The following ING5 variants were observed in gnomAD, a reference collection of about 807,000 sequenced individuals.
ING5 encodes the protein inhibitor of growth protein 5.
A neutral mutation model predicts 37.4 loss-of-function variants in ING5; 17 were observed. That is an observed-to-expected ratio of 0.45 (90% CI 0.31 to 0.68). The LOEUF is 0.68. Ranked by LOEUF, ING5 falls within the 30% of genes least tolerant of loss-of-function variation. The pLI, the probability that ING5 is intolerant of heterozygous loss-of-function variation, is 0.05. For missense variants in ING5, 233 were observed against 311.9 expected, an observed-to-expected ratio of 0.75 and a Z score of 1.91; for synonymous variants, 123 against 116.6, an observed-to-expected ratio of 1.06 and a Z score of -0.36.
At chr2:241,721,639 C>A in intron 5 of ING5, 2 of 985,484 alleles carry the variant, frequency 2.0e-6, no homozygotes, top group South Asian at 9.4e-5. Context: ...CACGTTCCTC[C>A]TGCTAACCTG....
chr2:241,702,025 C>G (rs2069741512), upstream of ING5: 4 of 1,343,038 alleles, frequency 3.0e-6, no homozygotes, highest in Non-Finnish European at 3.8e-6. Context: ...TCCCGCGGCA[C>G]CGCCCGCCCG....
chr2:241,692,407 C>T (rs1009111957), intron 2 of ING5, among the ~76,000 whole-genome samples: 3 of 151,590 alleles, frequency 2.0e-5, no homozygotes, highest in Admixed American at 6.6e-5. Flanking sequence ...GTTCTGGTCT[C>T]GAGTGATCCT....
chr2:241,711,377 G>T lies in ING5; in HGVS notation c.277G>T (p.Val93Leu). 1.3e-6 allele frequency: 2 copies of T among 1,501,330 alleles called. No individual in the cohort carries two copies. The highest frequency in any genetic ancestry group is 2.5e-5 in the East Asian group (1 of 39,964). The allele number at this position is 1,501,330 out of a possible 1,614,324, so 93.0% of individuals were successfully genotyped here. ...TAAGACTTTGGGTATCCTTTTGTAG[G>T]TGGATAAACACATTCGAAGGCTTGA... is the stretch of plus-strand genomic sequence containing the variant. ...VQLAMQTYEMVDKHIRRLDAD... is the reference protein window; with the variant it reads ...VQLAMQTYEMLDKHIRRLDAD... The change falls in exon 4 of 8, where the codon GTG (valine) becomes TTG (leucine). Residue 93 changes from valine to leucine, a missense_variant and splice_region_variant. By Grantham distance (32) the Val-to-Leu change is conservative. Coordinates refer to ENST00000313552, the MANE Select transcript of ING5 (RefSeq NM_032329.6).
intron 5 of ING5, among the ~76,000 whole-genome samples, chr2:241,716,281 C>CTTTTTTT (rs11332132): frequency 1.4e-5 from 1 of 73,660 alleles, no homozygotes; most frequent in Non-Finnish European, 2.4e-5. Flanking sequence ...ATTAGCCATG[C>CTTTTTTT]TTTTTTTTTT....
chr2:241,698,347 A>C (rs2069660658), upstream of ING5, among the ~76,000 whole-genome samples: 1 of 151,834 alleles, frequency 6.6e-6, no homozygotes, highest in Non-Finnish European at 1.5e-5. Flanking sequence ...CAGGAGGCTG[A>C]GGCGGGAGAA....
At chr2:241,723,176 C>T (rs372733288) in intron 6 of ING5, 34 bp from the exon 7 acceptor site, 11 of 1,613,064 alleles carry the variant, frequency 6.8e-6, no homozygotes, top group Admixed American at 1.7e-5. Context: ...GAACATGAGG[C>T]GTGTTGACTG....
upstream of ING5, chr2:241,701,898 C>T: frequency 2.8e-6 from 1 of 354,916 alleles, no homozygotes; most frequent in Non-Finnish European, 4.9e-6. Context: ...CGCCCGGGCC[C>T]CGCAGCCCGC....
At chr2:241,692,501 C>T (rs1389418059) in intron 2 of ING5, among the ~76,000 whole-genome samples, 4 of 151,348 alleles carry the variant, frequency 2.6e-5, no homozygotes, top group African/African-American at 9.7e-5. Flanking sequence ...GGGGTCTTGC[C>T]CTGTTGCCCA....
intron 2 of ING5, among the ~76,000 whole-genome samples, chr2:241,691,517 A>G (rs545669649): frequency 1.4e-5 from 2 of 139,736 alleles, no homozygotes; most frequent in South Asian, 2.3e-4. Context: ...GTGTGCTGCA[A>G]CTTCCACCAC....
At chr2:241,709,158 T>C (rs2070023395) in intron 2 of ING5, 58 bp from the exon 3 acceptor site, 1 of 1,532,098 alleles carries the variant, frequency 6.5e-7, no homozygotes. Flanking sequence ...GTTGCCAGTC[T>C]GGTGAGCACA....
intron 1 of ING5, among the ~76,000 whole-genome samples, chr2:241,702,482 C>G (rs952749956): frequency 6.6e-6 from 1 of 152,078 alleles, no homozygotes. Flanking sequence ...GTCCCTGTCC[C>G]GTCTGCAGGA....
chr2:241,723,402 C>A (rs2070476710), intron 7 of ING5, 131 bp downstream of exon 7: 1 of 985,806 alleles, frequency 1.0e-6, no homozygotes, highest in Non-Finnish European at 1.6e-6. Context: ...CGTAGGCATG[C>A]CCCACTGTGG....
At chr2:241,714,486 A>G (rs2124925555) in intron 5 of ING5, among the ~76,000 whole-genome samples, 1 of 152,234 alleles carries the variant, frequency 6.6e-6, no homozygotes, top group Non-Finnish European at 1.5e-5. Flanking sequence ...GATTTTTTTG[A>G]CATCAGGTTG....
chr2:241,721,331 T>C (rs2070430106), intron 5 of ING5: 1 of 985,364 alleles, frequency 1.0e-6, no homozygotes, highest in Non-Finnish European at 1.2e-6. Flanking sequence ...GACCTGGACT[T>C]GTGACGCTGA....
chr2:241,692,115 AG>A (rs1430218300), intron 2 of ING5, among the ~76,000 whole-genome samples: 1 of 152,074 alleles, frequency 6.6e-6, no homozygotes, highest in Non-Finnish European at 1.5e-5. Context: ...GGAAGAGGGG[AG>A]GGGGAAATGG....
In ING5 at chr2:241,688,665, C is replaced by T. The variant is rs371574233; in HGVS notation, c.-774+603C>T. Among the ~76,000 whole-genome samples the T allele has an allele frequency of 2.6e-3, 395 of 152,246 alleles. 1 individual carries two copies. The highest frequency in any genetic ancestry group is 8.9e-3 in the African/African-American group (370 of 41,546). On this transcript the variant is annotated intron_variant, in intron 1 of 7. Transcript: ENST00000636051. The stretch of plus-strand genomic sequence containing the variant: ...TTGAGACGGAGTCCTGCTCTGTCCC[C>T]CAGGCTGGAGTGCAGTGGCGCGATC...
intron 5 of ING5, chr2:241,722,438 C>G: frequency 1.0e-6 from 1 of 985,352 alleles, no homozygotes; most frequent in South Asian, 4.7e-5. Flanking sequence ...TCACGGCCTC[C>G]TGGGGGCCCT....
intron 2 of ING5, chr2:241,694,063 T>C (rs1400592714): frequency 6.6e-6 from 1 of 151,970 alleles, no homozygotes; most frequent in Non-Finnish European, 1.5e-5. Context: ...ATATTTAATA[T>C]ATGATATGTG....
upstream of ING5, chr2:241,701,910 G>A (rs2069735758): frequency 5.5e-6 from 2 of 361,310 alleles, no homozygotes; most frequent in South Asian, 1.0e-4. Flanking sequence ...GCAGCCCGCC[G>A]CCCGCCGGAA....
Sources: gnomAD v4.1 joint callset for allele counts (sites outside exome capture counted in the v4.1 genomes callset) on GRCh38, gnomAD v4.1.1 for gene constraint, MANE v1.5 for transcripts, NCBI Gene and HGNC (gene_info 2026-07-23, HGNC 2026-07-21) for gene names.